COL8A1: variants seen among roughly 807,000 people sequenced by gnomAD.
The protein encoded by COL8A1 is collagen alpha-1(VIII) chain.
COL8A1 carries 21 observed loss-of-function variants against 42.7 expected under a neutral mutation model. The observed-to-expected ratio is 0.49, with a 90% CI of 0.35 to 0.71. COL8A1 has a LOEUF of 0.71. Among genes scored for constraint, COL8A1 ranks in the 30% least tolerant of loss-of-function variants. COL8A1 has a pLI of 0.01. For synonymous variants in COL8A1, 367 were observed against 369.1 expected (o/e 0.99, Z 0.06); for missense variants, 788 against 962.4 (o/e 0.82, Z 2.40).
At chr3:99,658,852 C>A (rs1238295366) in intron 1 of COL8A1, among the ~76,000 whole-genome samples, 1 of 152,132 alleles carries the variant, frequency 6.6e-6, no homozygotes, top group African/African-American at 2.4e-5. Flanking sequence ...ATAATCACAT[C>A]ACTCAATCAG....
At chr3:99,716,067 A>C (rs1040068891) in intron 1 of COL8A1, among the ~76,000 whole-genome samples, 1 of 152,084 alleles carries the variant, frequency 6.6e-6, no homozygotes, top group Admixed American at 6.6e-5. Flanking sequence ...TGCAATCAGC[A>C]AACTGATTGC....
rs751705625 is a variant in COL8A1 at position 99,795,477 on chromosome 3, C to T, written c.1576C>T (p.Pro526Ser). 2 of 1,542,806 alleles carry T rather than the reference C, an allele frequency of 1.3e-6. No individual in the cohort carries two copies. The highest frequency in any genetic ancestry group is 1.8e-6 in the Non-Finnish European group (2 of 1,142,774). Residue 526 changes from proline to serine, a missense_variant, in exon 4 of 4, where the codon CCC becomes TCC. Physicochemically the swap from Pro to Ser is moderately conservative, Grantham distance 74. Around this residue, in one of 4 missense-constraint regions of COL8A1, gnomAD observed 154 missense variants for 182.3 expected, o/e 0.84. Coordinates refer to ENST00000652472, the MANE Select transcript of COL8A1 (RefSeq NM_020351.4). ...CAAAGGGGAGCCGGGCCTCCCAGGG[C>T]CCCCTGGGTTCCCTGGTATAGGGAA... ...GPKGEPGLPG[P>S]PGFPGIGKPG...
At chr3:99,758,318 T>C (rs1344790017) in intron 2 of COL8A1, among the ~76,000 whole-genome samples, 2 of 152,102 alleles carry the variant, frequency 1.3e-5, no homozygotes, top group Admixed American at 1.3e-4. Context: ...CTCCAAACCA[T>C]AGCCAAAAGC....
intron 1 of COL8A1, among the ~76,000 whole-genome samples, chr3:99,657,546 A>C (rs1176169045): frequency 2.0e-5 from 3 of 152,108 alleles, no homozygotes; most frequent in Admixed American, 6.5e-5. Flanking sequence ...TCATTACCTA[A>C]AATGCTCTCA....
At chr3:99,684,187 AG>A (rs1264829754) in intron 1 of COL8A1, among the ~76,000 whole-genome samples, 1 of 152,194 alleles carries the variant, frequency 6.6e-6, no homozygotes, top group Non-Finnish European at 1.5e-5. Flanking sequence ...TGAATTTACA[AG>A]AAGGGCTCTC....
intron 1 of COL8A1, among the ~76,000 whole-genome samples, chr3:99,668,101 TA>T (rs1463880618): frequency 2.6e-5 from 4 of 152,080 alleles, no homozygotes; most frequent in East Asian, 1.9e-4. Flanking sequence ...ACAGCAAATT[TA>T]AAAAAATAGA....
At chr3:99,688,854 A>G (rs1206845316) in intron 1 of COL8A1, among the ~76,000 whole-genome samples, 3 of 152,142 alleles carry the variant, frequency 2.0e-5, no homozygotes, top group Non-Finnish European at 2.9e-5. Context: ...TTTGGACCAG[A>G]TATTTCTTTG....
chr3:99,783,189 T>C (rs553989717), intron 2 of COL8A1, among the ~76,000 whole-genome samples: 2 of 152,300 alleles, frequency 1.3e-5, no homozygotes, highest in Admixed American at 6.5e-5. Context: ...CTAGGGAATG[T>C]TGTAAAATCT....
At position 99,690,151 on chromosome 3, in the gene COL8A1, C is replaced by T. The variant is rs141629774; in HGVS notation, c.-129+51487C>T. The stretch of plus-strand genomic sequence containing the variant: ...TTCTACAGGATCTTAATAGGCATTA[C>T]ATGAGGAAGAGTGGGTGGAGAATGG... On this transcript the variant is annotated intron_variant, in intron 1 of 3. Transcript: ENST00000652472. Among the ~76,000 whole-genome samples, 847 of 152,204 alleles carry T rather than the reference C, an allele frequency of 5.6e-3. 5 individuals are homozygous for T. The highest frequency in any genetic ancestry group is 0.016 in the African/African-American group (650 of 41,536).
chr3:99,692,705 A>G (rs188992410), intron 1 of COL8A1, among the ~76,000 whole-genome samples: 1 of 152,368 alleles, frequency 6.6e-6, no homozygotes, highest in East Asian at 1.9e-4. Context: ...TTGGTCAACC[A>G]CAGACCGCAT....
intron 2 of COL8A1, among the ~76,000 whole-genome samples, chr3:99,768,976 T>C (rs1941524425): frequency 6.6e-6 from 1 of 152,234 alleles, no homozygotes; most frequent in South Asian, 2.1e-4. Flanking sequence ...GAGGGTTTTG[T>C]TAACTCAAAT....
At chr3:99,786,122 A>G (rs1023237368) in intron 2 of COL8A1, among the ~76,000 whole-genome samples, 2 of 152,164 alleles carry the variant, frequency 1.3e-5, no homozygotes, top group Non-Finnish European at 2.9e-5. Flanking sequence ...AGAAAGATAC[A>G]TCTCTCAACC....
chr3:99,665,760 C>A (rs1938349587), intron 1 of COL8A1, among the ~76,000 whole-genome samples: 2 of 146,642 alleles, frequency 1.4e-5, no homozygotes, highest in African/African-American at 5.1e-5. Flanking sequence ...CGGCTCACTG[C>A]AACCTCCGCC....
intron 1 of COL8A1, among the ~76,000 whole-genome samples, chr3:99,660,462 G>A (rs993925587): frequency 1.3e-5 from 2 of 152,164 alleles, no homozygotes; most frequent in African/African-American, 4.8e-5. Flanking sequence ...CATCATCGTT[G>A]TTACATCCTT....
intron 1 of COL8A1, among the ~76,000 whole-genome samples, chr3:99,699,792 C>T (rs991416430): frequency 3.3e-5 from 5 of 152,124 alleles, no homozygotes; most frequent in African/African-American, 9.7e-5. Context: ...CTCTCTCCCC[C>T]GTCCCACCTC....
At chr3:99,745,245 T>A (rs745963750) in intron 2 of COL8A1, among the ~76,000 whole-genome samples, 3 of 152,080 alleles carry the variant, frequency 2.0e-5, no homozygotes, top group African/African-American at 4.8e-5. Flanking sequence ...ATGTGCAGAG[T>A]GTGATCCTAG....
Position 99,795,469 on chromosome 3 carries a change from T to G in COL8A1, c.1568T>G (p.Leu523Arg). The change falls in exon 4 of 4, where the codon CTC becomes CGC. Residue 523 changes from leucine (L) to arginine (R), a missense_variant. Leu to Arg is a moderately radical substitution (Grantham distance 102). Coordinates refer to ENST00000652472, the MANE Select transcript of COL8A1 (RefSeq NM_020351.4). ...GIPGPKGEPG[L>R]PGPPGFPGIG... ...CCAGGCCCCAAAGGGGAGCCGGGCC[T>G]CCCAGGGCCCCCTGGGTTCCCTGGT... The G allele has an allele frequency of 6.5e-7, 1 of 1,534,424 alleles. No individual in the cohort carries two copies. The highest frequency in any genetic ancestry group is 8.8e-7 in the Non-Finnish European group (1 of 1,138,936).
At chr3:99,763,488 C>G (rs896978873) in intron 2 of COL8A1, among the ~76,000 whole-genome samples, 1 of 152,152 alleles carries the variant, frequency 6.6e-6, no homozygotes, top group African/African-American at 2.4e-5. Flanking sequence ...CTACATCGCA[C>G]TTACTTCATG....
intron 1 of COL8A1, among the ~76,000 whole-genome samples, chr3:99,736,421 G>C (rs1381664908): frequency 6.6e-6 from 1 of 151,946 alleles, no homozygotes; most frequent in Non-Finnish European, 1.5e-5. Context: ...TAGGGTACAT[G>C]TGCACATTGT....
Sources: gnomAD v4.1 joint callset for allele counts (sites outside exome capture counted in the v4.1 genomes callset) on GRCh38, gnomAD v4.1.1 for gene constraint, gnomAD v4.1.1 regional missense constraint, MANE v1.5 for transcripts, NCBI Gene and HGNC (gene_info 2026-07-23, HGNC 2026-07-21) for gene names.